Variants in USP53 observed in about 807,000 individuals in gnomAD.
The protein encoded by USP53 is ubiquitin carboxyl-terminal hydrolase 53.
A neutral mutation model predicts 94.9 loss-of-function variants in USP53; 71 were observed. That is an observed-to-expected ratio of 0.75 (90% CI 0.62 to 0.91). The LOEUF is 0.91. Among genes scored for constraint, USP53 ranks in the 40% least tolerant of loss-of-function variants. The pLI, the probability that USP53 is intolerant of heterozygous loss-of-function variation, is 0.00. For synonymous variants in USP53, 375 were observed against 422.7 expected, an observed-to-expected ratio of 0.89 and a Z score of 1.39; for missense variants, 1,173 against 1,281.0, an observed-to-expected ratio of 0.92 and a Z score of 1.29.
intron 3 of USP53, among the ~76,000 whole-genome samples, chr4:119,224,728 G>T (rs1038817524): frequency 1.3e-5 from 2 of 152,202 alleles, no homozygotes; most frequent in Non-Finnish European, 2.9e-5. Context: ...CTGGGGAAAG[G>T]AGTACTTGAA....
At chr4:119,277,912 A>G (rs2149444562) in intron 17 of USP53, among the ~76,000 whole-genome samples, 1 of 129,820 alleles carries the variant, frequency 7.7e-6, no homozygotes, top group East Asian at 2.3e-4. Flanking sequence ...ATCAGAGACT[A>G]GGATTGCAAC....
rs1747284945 is a variant in USP53, at chr4:119,239,907, A to G, written c.144+4A>G. On this transcript the variant is annotated splice_donor_region_variant and intron_variant, in intron 5 of 18. Transcript: ENST00000692078. ...CTTTCTTAATAGCGCTGTACAGGTG[A>G]GACCATAATTACTTATTACATTAAA... 1 of 1,470,544 alleles carries G rather than the reference A, an allele frequency of 6.8e-7. No homozygotes were observed. The highest frequency in any genetic ancestry group is 9.0e-7 in the Non-Finnish European group (1 of 1,105,448). The allele number at this position is 1,470,544 out of a possible 1,614,324, so 91.1% of individuals were successfully genotyped here. A position where few individuals can be genotyped will look rare whatever the true frequency, so the allele number is the denominator to read the frequency against.
rs1245830686 is a variant in USP53, at chr4:119,271,422, T to C, written c.1562T>C (p.Val521Ala). 7.4e-6 allele frequency: 12 copies of C among 1,613,212 alleles called. No homozygotes were observed. The highest frequency in any genetic ancestry group is 2.2e-5 in the East Asian group (1 of 44,844). Residue 521 changes from valine to alanine, a missense_variant, in exon 16 of 19, where the codon GTT becomes GCT. Transcript: ENST00000692078. ...QGKGSYKHDRVVPQSRASAQI... is the reference protein window; with the variant it reads ...QGKGSYKHDRAVPQSRASAQI... ...AAAGGATCATATAAACATGACCGAG[T>C]TGTACCTCAGAGTCGAGCTTCTGCA...
At chr4:119,281,453 A>G (rs140973364) in intron 17 of USP53, among the ~76,000 whole-genome samples, 42 of 152,276 alleles carry the variant, frequency 2.8e-4, no homozygotes, top group African/African-American at 9.1e-4. Context: ...TAAATGTTAA[A>G]TTATTTTGTT....
At chr4:119,254,800 C>T (rs1411376271) in intron 7 of USP53, among the ~76,000 whole-genome samples, 1 of 152,142 alleles carries the variant, frequency 6.6e-6, no homozygotes, top group Non-Finnish European at 1.5e-5. Context: ...GGAGAAGAGA[C>T]ATTCTGGTTT....
chr4:119,245,816 A>T (rs974989303), intron 6 of USP53, among the ~76,000 whole-genome samples: 4 of 152,206 alleles, frequency 2.6e-5, no homozygotes, highest in African/African-American at 7.2e-5. Flanking sequence ...CTTATAGAGG[A>T]GGAGACAATA....
intron 17 of USP53, among the ~76,000 whole-genome samples, chr4:119,279,919 C>T (rs939243177): frequency 6.6e-6 from 1 of 152,220 alleles, no homozygotes; most frequent in Non-Finnish European, 1.5e-5. Context: ...CCTGACCCCT[C>T]GTGCTTCCCA....
intron 6 of USP53, among the ~76,000 whole-genome samples, chr4:119,247,240 C>T (rs891583498): frequency 3.3e-5 from 5 of 152,090 alleles, no homozygotes; most frequent in Non-Finnish European, 7.4e-5. Flanking sequence ...GCTTGCCTTC[C>T]TCTCCTCCCC....
chr4:119,267,259 T>G, intron 12 of USP53, 61 bp from the exon 13 acceptor site: 1 of 1,515,660 alleles, frequency 6.6e-7, no homozygotes, highest in Non-Finnish European at 8.9e-7. Flanking sequence ...GTCTGTCTTT[T>G]CATGTAACAC....
intron 9 of USP53, among the ~76,000 whole-genome samples, chr4:119,259,298 G>GC (rs1195213084): frequency 2.0e-5 from 3 of 151,214 alleles, no homozygotes; most frequent in South Asian, 2.1e-4. Flanking sequence ...AAAAAAAAGG[G>GC]GGGGGAGTAA....
At chr4:119,230,485 T>G (rs948616199) in intron 3 of USP53, among the ~76,000 whole-genome samples, 1 of 152,202 alleles carries the variant, frequency 6.6e-6, no homozygotes, top group African/African-American at 2.4e-5. Flanking sequence ...GCATATGACC[T>G]AATGCCTTAG....
At position 119,256,359 on chromosome 4, in the gene USP53, G is replaced by A. The variant is rs774040047; in HGVS notation, c.486G>A (p.Gln162=). The part of the protein sequence containing the change: ...HQKFAMTLYE[Q]CVCRSCGASS... ...AGTTTGCTATGACTCTGTATGAACA[G>A]GTGAGATGGCTTGATTATTATTTAG... The change falls in exon 8 of 19, where the codon CAG becomes CAA. Residue 162 remains glutamine (Q), a splice_region_variant and synonymous_variant. Coordinates refer to ENST00000692078, the MANE Select transcript of USP53 (RefSeq NM_001371395.1). 2 of 1,613,646 alleles carry A rather than the reference G, an allele frequency of 1.2e-6. No individual in the cohort carries two copies. Among genetic ancestry groups the A allele is most frequent in the Non-Finnish European group, 1.7e-6 (2 of 1,179,666 alleles).
chr4:119,289,449 C>G (rs1466296515), intron 17 of USP53, among the ~76,000 whole-genome samples: 1 of 151,948 alleles, frequency 6.6e-6, no homozygotes, highest in East Asian at 1.9e-4. Context: ...CTTCATAGAC[C>G]CTCTGAAAGG....
rs1298928002 is a variant in USP53 at position 119,293,148 on chromosome 4, C to T, written c.3159C>T (p.Tyr1053=). The change falls in exon 19 of 19, where the codon TAC becomes TAT. Residue 1053 remains tyrosine (Y), a synonymous_variant. Transcript: ENST00000692078. ...SCMTDTYRLK[Y]HQRPKLSFPE... ...TGACGGATACATATAGATTGAAATA[C>T]CATCAGAGGCCCAAGCTCTCTTTTC... 1.9e-6 allele frequency: 3 copies of T among 1,612,618 alleles called. No individual in the cohort carries two copies. The African/African-American group carries it at 4.0e-5, about 22-fold the overall frequency.
At chr4:119,285,272 T>G (rs1274624355) in intron 17 of USP53, among the ~76,000 whole-genome samples, 3 of 151,864 alleles carry the variant, frequency 2.0e-5, no homozygotes, top group Non-Finnish European at 3.0e-5. Context: ...AGCTGAAGTG[T>G]TTATACCTAA....
rs558657927 is a variant in USP53, at chr4:119,234,598, A to T, written c.-664-692A>T. Among the ~76,000 whole-genome samples the T allele has an allele frequency of 6.6e-5, 10 of 152,354 alleles. No homozygotes were observed. The East Asian group carries it at 1.7e-3, about 26-fold the overall frequency. On this transcript the variant is annotated intron_variant, in intron 3 of 18. Coordinates refer to ENST00000692078, the MANE Select transcript of USP53 (RefSeq NM_001371395.1). The stretch of plus-strand genomic sequence containing the variant: ...TTATTGAAAATATTATTTCAAAAAG[A>T]TTCTTTCATTAAAAATAAAAATGTA...
At chr4:119,280,137 CT>C (rs751863870) in intron 17 of USP53, among the ~76,000 whole-genome samples, 1 of 152,010 alleles carries the variant, frequency 6.6e-6, no homozygotes, top group Non-Finnish European at 1.5e-5. Context: ...CGTTTGCAGC[CT>C]TTTTTCATGT....
intron 5 of USP53, 99 bp from the exon 6 acceptor site, chr4:119,245,238 G>A (rs184697345): frequency 4.8e-6 from 5 of 1,040,772 alleles, no homozygotes; most frequent in Non-Finnish European, 7.3e-6. Flanking sequence ...GAAGTTACTT[G>A]TTCGCCTTTT....
intron 7 of USP53, among the ~76,000 whole-genome samples, chr4:119,250,519 TTC>T (rs1748835647): frequency 6.6e-6 from 1 of 152,264 alleles, no homozygotes; most frequent in Admixed American, 6.5e-5. Context: ...TCCATATTTC[TTC>T]TGTTTATAAT....
Sources: allele counts gnomAD v4.1 joint callset (sites outside exome capture counted in the v4.1 genomes callset), GRCh38; gene constraint gnomAD v4.1.1; transcripts MANE v1.5; gene names NCBI Gene and HGNC (gene_info 2026-07-23, HGNC 2026-07-21).